KIAA1549L: variants seen among roughly 807,000 people sequenced by gnomAD.
KIAA1549L encodes UPF0606 protein KIAA1549L.
KIAA1549L carries 88 observed loss-of-function variants against 160.7 expected under a neutral mutation model. That is an observed-to-expected ratio of 0.55 (90% confidence interval 0.46 to 0.65). The LOEUF (loss-of-function observed/expected upper bound fraction) is 0.65. Among genes scored for constraint, KIAA1549L ranks in the 30% least tolerant of loss-of-function variants. The pLI is 0.00. For missense variants in KIAA1549L, 2,258 were observed against 2,437.5 expected (o/e 0.93, Z 1.55); for synonymous variants, 950 against 976.7 (o/e 0.97, Z 0.51).
chr11:33,391,426 T>G (rs1294611508), intron 1 of KIAA1549L, among the ~76,000 whole-genome samples: 1 of 152,190 alleles, frequency 6.6e-6, no homozygotes, highest in Non-Finnish European at 1.5e-5. Context: ...GGATACACAT[T>G]ATTAGTCTCA....
intron 1 of KIAA1549L, among the ~76,000 whole-genome samples, chr11:33,517,959 G>A (rs1186664526): frequency 6.6e-6 from 1 of 151,830 alleles, no homozygotes; most frequent in African/African-American, 2.4e-5. Flanking sequence ...GGCCAAGATG[G>A]TGAAACCCCA....
At chr11:33,663,732 T>C (rs938123047) in intron 20 of KIAA1549L, among the ~76,000 whole-genome samples, 6 of 152,196 alleles carry the variant, frequency 3.9e-5, no homozygotes, top group African/African-American at 1.4e-4. Context: ...AACCCCAGGT[T>C]CTGAGAGACT....
At chr11:33,659,653 A>G (rs1057186389) in intron 19 of KIAA1549L, among the ~76,000 whole-genome samples, 2 of 152,222 alleles carry the variant, frequency 1.3e-5, no homozygotes, top group African/African-American at 4.8e-5. Context: ...TAAAGCATTC[A>G]TGGTGTCTAG....
chr11:33,611,598 A>G (rs1047386084), intron 15 of KIAA1549L, among the ~76,000 whole-genome samples: 2 of 152,168 alleles, frequency 1.3e-5, no homozygotes, highest in Non-Finnish European at 2.9e-5. Flanking sequence ...GAAAAAAAAG[A>G]AAAAAGTTGG....
chr11:33,631,644 A>G (rs912954519), intron 16 of KIAA1549L, among the ~76,000 whole-genome samples: 3 of 152,090 alleles, frequency 2.0e-5, no homozygotes, highest in African/African-American at 7.2e-5. Context: ...GACCTAAGCA[A>G]TGCTTTTGGA....
intron 1 of KIAA1549L, among the ~76,000 whole-genome samples, chr11:33,534,999 G>A (rs1853862101): frequency 6.6e-6 from 1 of 152,132 alleles, no homozygotes; most frequent in Non-Finnish European, 1.5e-5. Flanking sequence ...GAGTTGAGAG[G>A]CTGGACACAG....
chr11:33,545,871 G>T (rs1234387395), intron 3 of KIAA1549L, among the ~76,000 whole-genome samples: 1 of 152,212 alleles, frequency 6.6e-6, no homozygotes, highest in Admixed American at 6.5e-5. Flanking sequence ...CTTGGGAAGT[G>T]CTACAGAGTT....
At chr11:33,583,722 G>A (rs1222983800) in intron 11 of KIAA1549L, among the ~76,000 whole-genome samples, 1 of 152,170 alleles carries the variant, frequency 6.6e-6, no homozygotes, top group Non-Finnish European at 1.5e-5. Context: ...ATATACAGCA[G>A]CTCTCTAATT....
chr11:33,580,982 G>A (rs936642603), intron 10 of KIAA1549L, among the ~76,000 whole-genome samples: 4 of 152,168 alleles, frequency 2.6e-5, no homozygotes, highest in Non-Finnish European at 4.4e-5. Context: ...GGAGGCAAGG[G>A]TCCCTGAGGA....
rs115338960 is a variant in KIAA1549L at position 33,547,822 on chromosome 11, C to T, written c.3444C>T (p.Ala1148=). 3.3e-4 allele frequency: 527 copies of T among 1,613,738 alleles called. 1 individual carries two copies. The African/African-American group carries it at 6.5e-3, about 20-fold the overall frequency. ...QISESLKFSI[A]KGLTQALRKA... ...GTGAATCCTTGAAGTTCAGTATCGC[C>T]AAAGGGCTCACACAGGCATTGCGGA... Residue 1148 remains alanine, a synonymous_variant, in exon 4 of 21, where the codon GCC becomes GCT. Transcript: ENST00000658780.
At chr11:33,396,242 C>T (rs1170603846) in intron 1 of KIAA1549L, among the ~76,000 whole-genome samples, 1 of 152,166 alleles carries the variant, frequency 6.6e-6, no homozygotes, top group African/African-American at 2.4e-5. Flanking sequence ...CCACCTTTCC[C>T]TTAATTGAAG....
rs36000848 is a variant in KIAA1549L at position 33,672,892 on chromosome 11, G to A, written c.*4738G>A. 3,963 of 153,842 alleles carry A rather than the reference G, an allele frequency of 0.026. 101 individuals carry two copies. The highest frequency in any genetic ancestry group is 0.067 in the African/African-American group (2,800 of 41,554). 9.5% of individuals were successfully genotyped at this position (153,842 alleles called of 1,614,324 possible). ...CTCAGGTGCTACTAATGTGGCTCACGGCCACACACTTGCATGGATAAGAAA... is the reference window on the plus strand; with the variant it reads ...CTCAGGTGCTACTAATGTGGCTCACAGCCACACACTTGCATGGATAAGAAA... On this transcript the variant is annotated 3_prime_UTR_variant, in exon 21 of 21. Coordinates refer to ENST00000658780, the MANE Select transcript of KIAA1549L (RefSeq NM_012194.3).
intron 1 of KIAA1549L, among the ~76,000 whole-genome samples, chr11:33,406,022 G>A (rs889280918): frequency 6.6e-6 from 1 of 152,082 alleles, no homozygotes; most frequent in African/African-American, 2.4e-5. Flanking sequence ...TTACCCATGT[G>A]TATGTATCAC....
At chr11:33,383,076 C>T (rs1850104178) in intron 1 of KIAA1549L, among the ~76,000 whole-genome samples, 2 of 152,098 alleles carry the variant, frequency 1.3e-5, no homozygotes, top group Admixed American at 1.3e-4. Context: ...TGACCCACAT[C>T]CTTCCGTCAA....
Position 33,545,016 on chromosome 11 carries a change from C to A in KIAA1549L, c.3023C>A (p.Pro1008Gln), listed in dbSNP as rs761694178. ...GTCCATACAGCCTTCCCATTCACAC[C>A]AACCTACATGTATGCAAGAACAGGA... ...GAVHTAFPFT[P>Q]TYMYARTGHT... The change falls in exon 3 of 21, where the codon CCA (proline) becomes CAA (glutamine). Residue 1008 changes from proline to glutamine, a missense_variant. Physicochemically the swap from Pro to Gln is moderately conservative, Grantham distance 76. Transcript: ENST00000658780. 12 of 1,614,004 alleles carry A rather than the reference C, an allele frequency of 7.4e-6. 1 individual carries two copies. In the Middle Eastern group the frequency reaches 8.2e-4, roughly 111 times the overall value.
chr11:33,419,909 T>TACATACATAC (rs1565128946), intron 1 of KIAA1549L, among the ~76,000 whole-genome samples: 3 of 47,832 alleles, frequency 6.3e-5, no homozygotes, highest in Non-Finnish European at 1.6e-4. Flanking sequence ...TACATACATA[T>TACATACATAC]ATATATATGA....
intron 1 of KIAA1549L, among the ~76,000 whole-genome samples, chr11:33,474,563 C>T (rs1347855185): frequency 1.3e-5 from 2 of 152,212 alleles, no homozygotes; most frequent in Non-Finnish European, 2.9e-5. Flanking sequence ...ACTTTAGACT[C>T]AAGCCTGGGT....
chr11:33,663,106 T>G (rs1852321810), intron 20 of KIAA1549L, among the ~76,000 whole-genome samples: 1 of 152,198 alleles, frequency 6.6e-6, no homozygotes, highest in Non-Finnish European at 1.5e-5. Flanking sequence ...AGAGACCAGT[T>G]GTCAGCTTGA....
chr11:33,492,105 G>A (rs1852679986), intron 1 of KIAA1549L, among the ~76,000 whole-genome samples: 1 of 152,178 alleles, frequency 6.6e-6, no homozygotes, highest in South Asian at 2.1e-4. Context: ...GATGGCTCAT[G>A]CCTGTAATCC....
Sources: gnomAD v4.1 joint callset for allele counts (sites outside exome capture counted in the v4.1 genomes callset) on GRCh38, gnomAD v4.1.1 for gene constraint, MANE v1.5 for transcripts, NCBI Gene and HGNC (gene_info 2026-07-23, HGNC 2026-07-21) for gene names.